S100Z: variants seen among roughly 807,000 people sequenced by gnomAD.
S100Z encodes protein S100-Z.
S100Z carries 11 observed loss-of-function variants against 8.5 expected under a neutral mutation model. The ratio of observed to expected loss-of-function variants is 1.30; its 90% confidence interval spans 0.82 to 2.15. S100Z has a LOEUF of 2.15. Among genes scored for constraint, S100Z ranks in the 30% most tolerant of loss-of-function variants. S100Z has a pLI of 0.00. For synonymous variants in S100Z, 34 were observed against 43.8 expected, an observed-to-expected ratio of 0.78 and a Z score of 0.89; for missense variants, 126 against 117.9, an observed-to-expected ratio of 1.07 and a Z score of -0.32.
chr5:76,944,195 A>G, the S100Z span, among the ~76,000 whole-genome samples: 1 of 152,246 alleles, frequency 6.6e-6, no homozygotes, highest in Admixed American at 6.5e-5. Flanking sequence ...AGGTTTTACC[A>G]TTGAACCCTC....
chr5:76,854,881 G>C (rs1440333563), intron 1 of S100Z, among the ~76,000 whole-genome samples: 2 of 152,228 alleles, frequency 1.3e-5, no homozygotes, highest in African/African-American at 4.8e-5. Context: ...TCATGGGCCA[G>C]GCCCCAGGGC....
intron 4 of S100Z, among the ~76,000 whole-genome samples, chr5:76,898,933 C>CTTTTTTTTTT (rs56287065): frequency 6.4e-5 from 7 of 109,968 alleles, no homozygotes; most frequent in Non-Finnish European, 1.1e-4. Context: ...CTTTTCTTTT[C>CTTTTTTTTTT]TTTTTTTTTT....
chr5:76,855,883 T>C (rs1198861829), intron 1 of S100Z, among the ~76,000 whole-genome samples: 4 of 152,126 alleles, frequency 2.6e-5, no homozygotes, highest in African/African-American at 7.2e-5. Context: ...ATCCCCACCA[T>C]TGGAGGTGGG....
At chr5:76,897,347 G>T (rs1441082806) in intron 4 of S100Z, among the ~76,000 whole-genome samples, 2 of 152,026 alleles carry the variant, frequency 1.3e-5, no homozygotes, top group East Asian at 3.9e-4. Flanking sequence ...AGAGGCTGAG[G>T]CAGGAGAATG....
the S100Z span, among the ~76,000 whole-genome samples, chr5:76,929,175 A>G: frequency 0.027 from 4,158 of 152,344 alleles, 192 homozygotes; most frequent in African/African-American, 0.094. Context: ...CACCCAACAC[A>G]TGGAAAAACA....
chr5:76,935,261 G>A, the S100Z span, among the ~76,000 whole-genome samples: 2 of 152,178 alleles, frequency 1.3e-5, no homozygotes, highest in East Asian at 1.9e-4. Flanking sequence ...TGGAACAGAT[G>A]TTTTAATTTA....
At chr5:76,912,310 C>T (rs931362485) in intron 4 of S100Z, among the ~76,000 whole-genome samples, 1 of 152,174 alleles carries the variant, frequency 6.6e-6, no homozygotes, top group South Asian at 2.1e-4. Flanking sequence ...GGGACCCAAT[C>T]GAGGATGATC....
intron 4 of S100Z, among the ~76,000 whole-genome samples, chr5:76,912,405 C>T (rs373968967): frequency 6.6e-6 from 1 of 152,044 alleles, no homozygotes; most frequent in East Asian, 1.9e-4. Context: ...AACCTATATA[C>T]CAATGGAAGT....
At chr5:76,926,644 C>A (rs1167484505), downstream of S100Z, among the ~76,000 whole-genome samples, 1 of 152,028 alleles carries the variant, frequency 6.6e-6, no homozygotes, top group Non-Finnish European at 1.5e-5. Flanking sequence ...AGGCTAAATG[C>A]CCAAGACAGG....
chr5:76,866,734 T>A (rs1742747188), intron 1 of S100Z, among the ~76,000 whole-genome samples: 1 of 152,248 alleles, frequency 6.6e-6, no homozygotes, highest in Non-Finnish European at 1.5e-5. Flanking sequence ...AGGTGTGTAG[T>A]GGGCTGTACC....
chr5:76,888,367 ATT>A (rs1171043164), intron 4 of S100Z, among the ~76,000 whole-genome samples: 10 of 45,434 alleles, frequency 2.2e-4, no homozygotes, highest in African/African-American at 4.5e-4. Flanking sequence ...AAGTGCTGGT[ATT>A]TTTTTTTTTT....
chr5:76,910,133 A>G (rs1417825497), intron 4 of S100Z, among the ~76,000 whole-genome samples: 3 of 152,224 alleles, frequency 2.0e-5, no homozygotes, highest in Admixed American at 6.5e-5. Context: ...GAATTATTCA[A>G]TGATGTCCAC....
intron 4 of S100Z, among the ~76,000 whole-genome samples, chr5:76,910,515 G>A (rs1256220674): frequency 6.6e-6 from 1 of 152,180 alleles, no homozygotes; most frequent in Non-Finnish European, 1.5e-5. Context: ...GGGATGGCTT[G>A]TTATCAGTGT....
chr5:76,864,612 T>C (rs1192970692), intron 1 of S100Z, among the ~76,000 whole-genome samples: 2 of 151,966 alleles, frequency 1.3e-5, no homozygotes, highest in Non-Finnish European at 2.9e-5. Flanking sequence ...CCATGTTGCC[T>C]AGGCTGGTCT....
chr5:76,884,386 C>T (rs1178539628), intron 4 of S100Z, among the ~76,000 whole-genome samples: 1 of 152,150 alleles, frequency 6.6e-6, no homozygotes, highest in Admixed American at 6.5e-5. Flanking sequence ...TAATGCCTTC[C>T]TGGAGGTCTG....
At chr5:76,882,054 C>T (rs985300113) in intron 4 of S100Z, among the ~76,000 whole-genome samples, 4 of 152,088 alleles carry the variant, frequency 2.6e-5, no homozygotes, top group Non-Finnish European at 5.9e-5. Context: ...AATATTGACG[C>T]GTAGTCCCTT....
intron 4 of S100Z, among the ~76,000 whole-genome samples, chr5:76,900,072 C>T (rs1308181894): frequency 6.6e-6 from 1 of 152,114 alleles, no homozygotes; most frequent in Non-Finnish European, 1.5e-5. Flanking sequence ...TCTCTCTTGG[C>T]CTGTAAGGTT....
chr5:76,894,192 T>C (rs1040670852), intron 4 of S100Z, among the ~76,000 whole-genome samples: 4 of 152,244 alleles, frequency 2.6e-5, no homozygotes, highest in East Asian at 1.9e-4. Flanking sequence ...CCACCTCTTA[T>C]TGCAACCTAG....
chr5:76,901,687 A>C lies in S100Z; in HGVS notation c.*3-19030A>C, dbSNP rs191505257. 9.9e-5 allele frequency among the ~76,000 whole-genome samples: 15 copies of C among 152,238 alleles called. 1 individual carries two copies. The highest frequency in any genetic ancestry group is 6.2e-4 in the South Asian group (3 of 4,830). On this transcript the variant is annotated intron_variant, in intron 4 of 4. Transcript: ENST00000317593. ...CAAGAGTCAAGTCCTGGAATTGGGG[A>C]TCCCAAGAACCCTCATGGTGCTCTA...
Sources: gnomAD v4.1 joint callset for allele counts (sites outside exome capture counted in the v4.1 genomes callset) on GRCh38, gnomAD v4.1.1 for gene constraint, MANE v1.5 for transcripts, NCBI Gene and HGNC (gene_info 2026-07-23, HGNC 2026-07-21) for gene names.